The following FCMR variants were observed in gnomAD, a reference collection of about 807,000 sequenced individuals.
FCMR encodes the protein Fc mu receptor.
FCMR carries 34 observed loss-of-function variants against 41.6 expected under a neutral mutation model. The ratio of observed to expected loss-of-function variants is 0.82; its 90% CI spans 0.62 to 1.09. The LOEUF is 1.09. Among genes scored for constraint, FCMR ranks in the 50% least tolerant of loss-of-function variants. The probability of loss-of-function intolerance (pLI) is 0.00; values close to 1 mark genes in which losing one functional copy is unlikely to be tolerated. For missense variants in FCMR, 496 were observed against 512.5 expected (o/e 0.97, Z 0.31); for synonymous variants, 209 against 211.8 (o/e 0.99, Z 0.12).
chr1:206,904,981 C>T lies in FCMR; in HGVS notation c.*38G>A. ...AGATAGATGAGACTCCTTGGCACCA[C>T]AGTCCGAGCCTGGGGTTGGGGGATA... is the stretch of plus-strand genomic sequence containing the variant. On this transcript the variant is annotated 3_prime_UTR_variant, in exon 8 of 8. Coordinates refer to ENST00000367091, the MANE Select transcript of FCMR (RefSeq NM_005449.5). 1 of 1,611,516 alleles carries T rather than the reference C, an allele frequency of 6.2e-7. No homozygotes were observed. Among genetic ancestry groups the T allele is most frequent in the Non-Finnish European group, 8.5e-7 (1 of 1,178,700 alleles).
At position 206,909,420 on chromosome 1, in the gene FCMR, A is replaced by G; in HGVS notation, c.1044+42T>C. On this transcript the variant is annotated intron_variant, in intron 7 of 7. Coordinates refer to ENST00000367091, the MANE Select transcript of FCMR (RefSeq NM_005449.5). The surrounding 1 kb of genome is among the most constrained non-coding windows in gnomAD (Gnocchi z 5.0). ...TCCCCGCCCAGGGCTGGGGCCGCCC[A>G]GTCGGGCCGCGGCTGCCAATCAGGG... 1 of 1,185,216 alleles carries G rather than the reference A, an allele frequency of 8.4e-7. No individual in the cohort carries two copies. Among genetic ancestry groups the G allele is most frequent in the Non-Finnish European group, 1.1e-6 (1 of 943,618 alleles). The allele number at this position is 1,185,216 out of a possible 1,614,324, so 73.4% of individuals were successfully genotyped here.
chr1:206,907,121 G>A (rs1572616421), intron 7 of FCMR, among the ~76,000 whole-genome samples: 3 of 110,694 alleles, frequency 2.7e-5, no homozygotes, highest in African/African-American at 1.0e-4. Context: ...GGGTGGGGGC[G>A]GGGTGGGGAC....
At chr1:206,910,100 A>G in intron 5 of FCMR, 110 bp downstream of exon 5, 5 of 1,294,294 alleles carry the variant, frequency 3.9e-6, no homozygotes, top group Non-Finnish European at 5.2e-6. Flanking sequence ...CCTACACCCC[A>G]GGCTGCTCAT....
At chr1:206,907,283 T>A (rs12124035) in intron 7 of FCMR, among the ~76,000 whole-genome samples, 53,530 of 151,972 alleles carry the variant, frequency 0.35, 10,441 homozygotes, top group Middle Eastern at 0.48. Flanking sequence ...GTGGAAATGG[T>A]GGGAAACGTC....
chr1:206,907,080 C>CGGGGGGCG (rs1678681729), intron 7 of FCMR, among the ~76,000 whole-genome samples: 1 of 25,708 alleles, frequency 3.9e-5, no homozygotes, highest in African/African-American at 1.8e-4. Flanking sequence ...CCGGAGAAGC[C>CGGGGGGCG]GGGGGGTGGG....
intron 7 of FCMR, among the ~76,000 whole-genome samples, chr1:206,908,380 G>A (rs1368317490): frequency 6.6e-6 from 1 of 152,196 alleles, no homozygotes; most frequent in East Asian, 1.9e-4. Flanking sequence ...AAGGGTCTTA[G>A]TCACTGCTTT....
In FCMR at chr1:206,913,865, C is replaced by T. The variant is rs1469197168; in HGVS notation, c.267G>A (p.Val89=). ...KQYPRKNLFL[V]EVTQLTESDS... is the part of the protein sequence containing the mutation. ...CACTTTCTGTCAGCTGTGTTACCTC[C>T]ACTAGGAACAGATTCTTGCGTGGGT... The change falls in exon 2 of 8, where the codon GTG becomes GTA. Residue 89 remains valine, a synonymous_variant. Coordinates refer to ENST00000367091, the MANE Select transcript of FCMR (RefSeq NM_005449.5). The T allele has an allele frequency of 6.2e-7, 1 of 1,614,238 alleles. No homozygotes were observed. The highest frequency in any genetic ancestry group is 1.3e-5 in the African/African-American group (1 of 75,046).
intron 1 of FCMR, 52 bp from the exon 2 acceptor site, chr1:206,914,146 C>T (rs753421488): frequency 7.1e-7 from 1 of 1,406,572 alleles, no homozygotes; most frequent in Non-Finnish European, 1.0e-6. Flanking sequence ...AACTATATCC[C>T]AGCCCCATCT....
rs1678831170 is a variant in FCMR at position 206,909,655 on chromosome 1, C to T, written c.985+70G>A. 6.7e-6 allele frequency: 9 copies of T among 1,351,692 alleles called. No individual in the cohort carries two copies. Among genetic ancestry groups the T allele is most frequent in the Non-Finnish European group, 8.5e-6 (9 of 1,057,106 alleles). The allele number at this position is 1,351,692 out of a possible 1,614,324, so 83.7% of individuals were successfully genotyped here. On this transcript the variant is annotated intron_variant, in intron 6 of 7. Coordinates refer to ENST00000367091, the MANE Select transcript of FCMR (RefSeq NM_005449.5). This position sits in a 1 kb window ranked among gnomAD's most constrained non-coding sequence, Gnocchi z 5.0. ...AGCCCTGGCACCTGGGAGCGCGCCC[C>T]GCTGCGCCCGGCTTTCCCGGAGCCA...
At chr1:206,906,397 A>G (rs940455948) in intron 7 of FCMR, 8 of 183,222 alleles carry the variant, frequency 4.4e-5, no homozygotes, top group Admixed American at 4.3e-4. Flanking sequence ...TCCTCGATGT[A>G]TGACATGATT....
intron 4 of FCMR, among the ~76,000 whole-genome samples, chr1:206,911,134 G>A (rs979132186): frequency 1.3e-5 from 2 of 152,114 alleles, no homozygotes; most frequent in Non-Finnish European, 2.9e-5. Context: ...GGTTCTCATG[G>A]CCCCAGTTTC....
At chr1:206,919,953 T>G (rs985693563) in intron 1 of FCMR, among the ~76,000 whole-genome samples, 1 of 152,230 alleles carries the variant, frequency 6.6e-6, no homozygotes, top group Admixed American at 6.5e-5. Context: ...AACAAATATC[T>G]GAGTTTCTTT....
intron 2 of FCMR, 50 bp downstream of exon 2, chr1:206,913,709 G>T: frequency 6.8e-7 from 1 of 1,474,398 alleles, no homozygotes; most frequent in Non-Finnish European, 9.5e-7. Context: ...ATCTTCCCAA[G>T]TGAAACATTT....
At chr1:206,908,489 A>G (rs1273853182) in intron 7 of FCMR, among the ~76,000 whole-genome samples, 2 of 152,204 alleles carry the variant, frequency 1.3e-5, no homozygotes, top group Non-Finnish European at 2.9e-5. Flanking sequence ...AGGAGTCGGA[A>G]GACTAATTGG....
intron 1 of FCMR, among the ~76,000 whole-genome samples, chr1:206,914,896 A>G (rs1679121566): frequency 6.6e-6 from 1 of 152,258 alleles, no homozygotes; most frequent in South Asian, 2.1e-4. Context: ...GGACCCAGAC[A>G]CTAAACCATT....
upstream of FCMR, chr1:206,921,956 A>T (rs1440534231): frequency 9.6e-7 from 1 of 1,046,546 alleles, no homozygotes; most frequent in Admixed American, 1.9e-5. Context: ...CTGGAAAGAG[A>T]TTTCTAGCCC....
chr1:206,905,302 G>A (rs945295645), intron 7 of FCMR, among the ~76,000 whole-genome samples, 155 bp from the exon 8 acceptor site: 2 of 152,148 alleles, frequency 1.3e-5, no homozygotes, highest in African/African-American at 2.4e-5. Context: ...AAGTGGAGTA[G>A]CCCTGGGGAT....
chr1:206,915,715 A>C (rs1469202652), intron 1 of FCMR, among the ~76,000 whole-genome samples: 1 of 152,152 alleles, frequency 6.6e-6, no homozygotes, highest in Non-Finnish European at 1.5e-5. Flanking sequence ...AGTGGGGAGA[A>C]GAGATTCTTC....
intron 1 of FCMR, among the ~76,000 whole-genome samples, chr1:206,917,540 G>A (rs575583405): frequency 1.3e-5 from 2 of 152,304 alleles, no homozygotes; most frequent in East Asian, 3.9e-4. Flanking sequence ...CAATGATCCT[G>A]TTTCTTTCTC....
Sources: gnomAD v4.1 joint callset for allele counts (sites outside exome capture counted in the v4.1 genomes callset) on GRCh38, gnomAD v4.1.1 for gene constraint, Gnocchi (gnomAD v3.1) non-coding constraint, MANE v1.5 for transcripts, NCBI Gene and HGNC (gene_info 2026-07-23, HGNC 2026-07-21) for gene names.